The following MBD1 variants were observed in gnomAD, a reference collection of about 807,000 sequenced individuals.
The protein encoded by MBD1 is methyl-CpG binding domain protein 1, also known as methyl-CpG-binding domain protein 1.
In MBD1, 25 loss-of-function variants were observed where a neutral mutation model predicts 82.6. The observed-to-expected ratio is 0.30, with a 90% CI of 0.22 to 0.42. The LOEUF (loss-of-function observed/expected upper bound fraction) is 0.42. Ranked by LOEUF, MBD1 falls within the 10% of genes least tolerant of loss-of-function variation. MBD1 has a pLI of 1.00. For missense variants in MBD1, 627 were observed against 819.6 expected (o/e 0.76, Z 2.87); for synonymous variants, 301 against 303.7 (o/e 0.99, Z 0.09).
At chr18:50,271,635 A>T (rs919550062) in intron 15 of MBD1, 95 bp from the exon 16 acceptor site, 2 of 1,278,866 alleles carry the variant, frequency 1.6e-6, no homozygotes, top group Non-Finnish European at 2.3e-6. Context: ...TGTGTCCTCC[A>T]TCCACTTCCC....
chr18:50,272,417 T>C, intron 15 of MBD1: 1 of 529,152 alleles, frequency 1.9e-6, no homozygotes, highest in South Asian at 2.1e-5. Context: ...TATCTTTTTC[T>C]TTCAAATCTC....
At chr18:50,272,790 G>C in intron 14 of MBD1, 34 bp downstream of exon 14, 1 of 1,614,222 alleles carries the variant, frequency 6.2e-7, no homozygotes, top group Non-Finnish European at 8.5e-7. Flanking sequence ...GCTACAGCAG[G>C]GTCAGGGCAG....
intron 16 of MBD1, 56 bp downstream of exon 16, chr18:50,271,413 G>T: frequency 6.2e-7 from 1 of 1,613,388 alleles, no homozygotes. Flanking sequence ...CCAATCTAGG[G>T]TCCAGCCCCT....
intron 5 of MBD1, 71 bp from the exon 6 acceptor site, chr18:50,276,489 T>C (rs374578410): frequency 2.7e-5 from 42 of 1,527,450 alleles, no homozygotes; most frequent in Non-Finnish European, 3.7e-5. Flanking sequence ...TCACTGCCTG[T>C]GCCCTGACTT....
Position 50,269,596 on chromosome 18 carries a change from T to G in MBD1, c.*255A>C. 1.4e-6 allele frequency: 1 copy of G among 719,074 alleles called. No individual in the cohort carries two copies. Among genetic ancestry groups the G allele is most frequent in the Non-Finnish European group, 2.6e-6 (1 of 385,258 alleles). The allele number at this position is 719,074 out of a possible 1,614,324, so 44.5% of individuals were successfully genotyped here. On this transcript the variant is annotated 3_prime_UTR_variant, in exon 17 of 17. Coordinates refer to ENST00000269468, the MANE Select transcript of MBD1 (RefSeq NM_015846.4). ...CTCCACCTTCCCCAGGATCATCCTT[T>G]CAGCTTCTCTAATTCCTGGGCCAGA...
chr18:50,268,029 A>AT (rs1362751939), downstream of MBD1, among the ~76,000 whole-genome samples: 1 of 152,182 alleles, frequency 6.6e-6, no homozygotes, highest in Non-Finnish European at 1.5e-5. Flanking sequence ...ACGCATTTGC[A>AT]TTTACTAAGA....
chr18:50,273,534 T>C (rs1477275395), intron 12 of MBD1, 30 bp downstream of exon 12: 2 of 1,613,326 alleles, frequency 1.2e-6, no homozygotes, highest in East Asian at 2.2e-5. Context: ...TGGGTGAGGC[T>C]GGGAAGGCAG....
In MBD1 at chr18:50,269,009, A is replaced by G. The variant is rs2034403287; in HGVS notation, c.*842T>C. ...TATATTCAGCATTAAATTCCATGAT[A>G]AAGTTGGAAATCCATTCACCATTTG... On this transcript the variant is annotated 3_prime_UTR_variant, in exon 17 of 17. Transcript: ENST00000269468. 17 of 985,468 alleles carry G rather than the reference A, an allele frequency of 1.7e-5. No homozygotes were observed. Among genetic ancestry groups the G allele is most frequent in the Non-Finnish European group, 1.9e-5 (16 of 830,046 alleles). 61.0% of individuals were successfully genotyped at this position (985,468 alleles called of 1,614,324 possible). A position where few individuals can be genotyped will look rare whatever the true frequency, so the allele number is the denominator to read the frequency against.
At position 50,269,716 on chromosome 18, in the gene MBD1, A is replaced by G. The variant is rs1337560608; in HGVS notation, c.*135T>C. The G allele has an allele frequency of 1.3e-6, 1 of 780,930 alleles. No individual in the cohort carries two copies. The highest frequency in any genetic ancestry group is 2.4e-6 in the Non-Finnish European group (1 of 418,136). 48.4% of individuals were successfully genotyped at this position (780,930 alleles called of 1,614,324 possible). ...GTGGTGAGAGACTGACATGGGTTCC[A>G]GGCCATCCTCGTGGGTTCCAGCTCG... On this transcript the variant is annotated 3_prime_UTR_variant, in exon 17 of 17. Coordinates refer to ENST00000269468, the MANE Select transcript of MBD1 (RefSeq NM_015846.4).
chr18:50,281,624 C>T, upstream of MBD1: 1 of 442,956 alleles, frequency 2.3e-6, no homozygotes, highest in Non-Finnish European at 4.0e-6. Context: ...GAGGCTCCCG[C>T]GCCTACGGGC....
Position 50,275,618 on chromosome 18 carries a change from G to A in MBD1, c.774C>T (p.Val258=), listed in dbSNP as rs766593946. 1.2e-6 allele frequency: 2 copies of A among 1,614,074 alleles called. No individual in the cohort carries two copies. The highest frequency in any genetic ancestry group is 1.7e-6 in the Non-Finnish European group (2 of 1,180,044). ...RPGLRRQWKC[V]QRRCLRGKHA... Reference sequence around the variant, plus strand: ...AACTCACCCGTAGGCAACGTCGCTGGACACATTTCCACTGGCGCCTGAGAC... The same window carrying A: ...AACTCACCCGTAGGCAACGTCGCTGAACACATTTCCACTGGCGCCTGAGAC... The change falls in exon 8 of 17, where the codon GTC becomes GTT. Residue 258 remains valine, a synonymous_variant. Coordinates refer to ENST00000269468, the MANE Select transcript of MBD1 (RefSeq NM_015846.4).
rs751885186 is a variant in MBD1, at chr18:50,275,650, G to A, written c.742C>T (p.Arg248Cys). 6.8e-6 allele frequency: 11 copies of A among 1,614,080 alleles called. No homozygotes were observed. Among genetic ancestry groups the A allele is most frequent in the South Asian group, 4.4e-5 (4 of 91,090 alleles). Residue 248 changes from arginine (R) to cysteine (C), a missense_variant, in exon 8 of 17, where the codon CGC becomes TGC. Around this residue, in one of 6 missense-constraint regions of MBD1, gnomAD observed 228 missense variants for 318.1 expected, o/e 0.72. Coordinates refer to ENST00000269468, the MANE Select transcript of MBD1 (RefSeq NM_015846.4). ...GHCPICLRPP[R>C]PGLRRQWKCV... ...TTCCACTGGCGCCTGAGACCAGGGC[G>A]GGGAGGGCGAAGGCAGATGGGGCAA...
intron 2 of MBD1, 86 bp downstream of exon 2, chr18:50,279,797 T>C: frequency 6.4e-7 from 1 of 1,561,952 alleles, no homozygotes; most frequent in Non-Finnish European, 8.8e-7. Context: ...AATTTAAACT[T>C]CATCCATAAA....
downstream of MBD1, among the ~76,000 whole-genome samples, chr18:50,267,992 G>A (rs2034119859): frequency 6.6e-6 from 1 of 152,156 alleles, no homozygotes; most frequent in African/African-American, 2.4e-5. Flanking sequence ...TTCTATAACG[G>A]TTCTTTCAAT....
chr18:50,269,247 T>G lies in MBD1; in HGVS notation c.*604A>C. On this transcript the variant is annotated 3_prime_UTR_variant, in exon 17 of 17. Transcript: ENST00000269468. ...CCATGAAATCCATGGTCTTCAGCTTTGCATTTTCAGCCACATAGTTATATT... is the reference window on the plus strand; with the variant it reads ...CCATGAAATCCATGGTCTTCAGCTTGGCATTTTCAGCCACATAGTTATATT... 8.9e-7 allele frequency: 1 copy of G among 1,118,336 alleles called. No homozygotes were observed. The highest frequency in any genetic ancestry group is 1.1e-6 in the Non-Finnish European group (1 of 907,650). The allele number at this position is 1,118,336 out of a possible 1,614,324, so 69.3% of individuals were successfully genotyped here. A position where few individuals can be genotyped will look rare whatever the true frequency, so the allele number is the denominator to read the frequency against.
rs1232115248 is a variant in MBD1, at chr18:50,273,679, C to T, written c.1331G>A (p.Gly444Asp). 1 of 1,613,978 alleles carries T rather than the reference C, an allele frequency of 6.2e-7. No individual in the cohort carries two copies. Among genetic ancestry groups the T allele is most frequent in the South Asian group, 1.1e-5 (1 of 91,094 alleles). ...AGGCGGGGGCAGCACAAAGCCACCA[C>T]CTGCTTCCTGCTTCGTTGGAGCCTG... The part of the protein sequence containing the change: ...HTQAPTKQEA[G>D]GGFVLPPPGT... Residue 444 changes from glycine to aspartate, a missense_variant, in exon 12 of 17, where the codon GGT becomes GAT. Gly to Asp is a moderately conservative substitution (Grantham distance 94, BLOSUM62 -1). Coordinates refer to ENST00000269468, the MANE Select transcript of MBD1 (RefSeq NM_015846.4).
At chr18:50,278,057 G>A (rs1353302526) in intron 2 of MBD1, among the ~76,000 whole-genome samples, 2 of 152,322 alleles carry the variant, frequency 1.3e-5, no homozygotes, top group East Asian at 3.9e-4. Context: ...AATGTAATAT[G>A]TACTGTGTTT....
chr18:50,280,332 A>G (rs1399698606), intron 1 of MBD1, among the ~76,000 whole-genome samples: 2 of 151,252 alleles, frequency 1.3e-5, no homozygotes, highest in Admixed American at 1.3e-4. Context: ...GAAACTTTTC[A>G]TCCTTCCCCC....
At position 50,271,439 on chromosome 18, in the gene MBD1, T is replaced by C. The variant is rs1599243373; in HGVS notation, c.*32+30A>G. The C allele has an allele frequency of 5.6e-6, 9 of 1,614,062 alleles. No individual in the cohort carries two copies. The East Asian group carries it at 2.0e-4, about 36-fold the overall frequency. On this transcript the variant is annotated intron_variant, in intron 16 of 16. Transcript: ENST00000269468. ...TCCAGCCCCTAGTAGATCAGTGTTG[T>C]CTCTCATAAAGCCAGTCTGCAAATA...
Sources: allele counts gnomAD v4.1 joint callset (sites outside exome capture counted in the v4.1 genomes callset), GRCh38; gene constraint gnomAD v4.1.1; regional missense constraint gnomAD v4.1.1; transcripts MANE v1.5; gene names NCBI Gene and HGNC (gene_info 2026-07-23, HGNC 2026-07-21).